THYN1: variants seen among roughly 807,000 people sequenced by gnomAD.
THYN1 encodes thymocyte protein thy28.
Under a neutral mutation model 30.6 loss-of-function variants are expected in THYN1, and 32 were observed. That is an observed-to-expected ratio of 1.05 (90% CI 0.79 to 1.40). The LOEUF (loss-of-function observed/expected upper bound fraction) is 1.40, where lower values mean the gene tolerates loss of function less well. THYN1 is among the 40% of genes most tolerant of loss of function. The pLI is 0.00. For missense variants in THYN1, 259 were observed against 272.6 expected, an observed-to-expected ratio of 0.95 and a Z score of 0.35; for synonymous variants, 107 against 90.8, an observed-to-expected ratio of 1.18 and a Z score of -1.01.
intron 6 of THYN1, 150 bp from the exon 7 acceptor site, chr11:134,248,634 G>A: frequency 1.4e-5 from 18 of 1,318,888 alleles, no homozygotes; most frequent in Non-Finnish European, 1.8e-5. Context: ...GCACTATAGA[G>A]TACTGGGTAA....
chr11:134,249,852 C>G lies in THYN1; in HGVS notation c.360G>C (p.Glu120Asp). Residue 120 changes from glutamate (E) to aspartate (D), a missense_variant, in exon 4 of 7, where the codon GAG (glutamate) becomes GAC (aspartate). Glu to Asp is a conservative substitution (Grantham distance 45). Coordinates refer to ENST00000341541, the MANE Select transcript of THYN1 (RefSeq NM_014174.3). ...EAFFYHSNCK[E>D]PGIAGLMKIV... ...CCTTCATGAGTCCTGCGATGCCTGG[C>G]TCTTTGCAGTTGCTATGGTAGAAGA... is the stretch of plus-strand genomic sequence containing the variant. The G allele has an allele frequency of 6.2e-7, 1 of 1,614,182 alleles. No homozygotes were observed. Among genetic ancestry groups the G allele is most frequent in the Non-Finnish European group, 8.5e-7 (1 of 1,180,026 alleles).
chr11:134,252,786 C>T, intron 1 of THYN1, 54 bp downstream of exon 1: 1 of 1,606,574 alleles, frequency 6.2e-7, no homozygotes, highest in Non-Finnish European at 8.5e-7. Flanking sequence ...TAAACAGGCT[C>T]TTCGAGAAAA....
rs1490043641 is a variant in THYN1 at position 134,253,300 on chromosome 11, C to G, written c.-418G>C. On this transcript the variant is annotated 5_prime_UTR_variant, in exon 1 of 7. Coordinates refer to ENST00000341541, the MANE Select transcript of THYN1 (RefSeq NM_014174.3). The stretch of plus-strand genomic sequence containing the variant: ...TGAAGTAATTTGCTGGCTACAGACC[C>G]AACACTCTGCAGACTCGACTGCGGT... The G allele has an allele frequency of 1.4e-6, 2 of 1,386,278 alleles. No homozygotes were observed. The highest frequency in any genetic ancestry group is 2.9e-5 in the African/African-American group (2 of 68,150). 85.9% of individuals were successfully genotyped at this position (1,386,278 alleles called of 1,614,324 possible).
At position 134,250,317 on chromosome 11, in the gene THYN1, C is replaced by T. The variant is rs1231928661; in HGVS notation, c.249G>A (p.Gln83=). Residue 83 remains glutamine, a synonymous_variant, in exon 3 of 7, where the codon CAG becomes CAA. Transcript: ENST00000341541. ...CATCCCAGCATGTTGTCTGTTTGGG[C>T]TGTGCTTTGAGATCCTCAATGCTGA... ...VKFSIEDLKA[Q]PKQTTCWDGV... is the part of the protein sequence containing the mutation. The T allele has an allele frequency of 1.2e-6, 2 of 1,614,020 alleles. No homozygotes were observed. The highest frequency in any genetic ancestry group is 1.1e-5 in the South Asian group (1 of 91,084).
intron 3 of THYN1, 141 bp downstream of exon 3, chr11:134,250,134 G>C: frequency 9.9e-7 from 1 of 1,012,774 alleles, no homozygotes; most frequent in Non-Finnish European, 1.5e-6. Context: ...GAGTACTTAA[G>C]GCATTTTTTA....
chr11:134,248,636 A>C (rs1938898388), intron 6 of THYN1, 152 bp from the exon 7 acceptor site: 2 of 1,313,650 alleles, frequency 1.5e-6, no homozygotes, highest in Non-Finnish European at 1.1e-6. Flanking sequence ...ACTATAGAGT[A>C]CTGGGTAATA....
Position 134,251,166 on chromosome 11 carries a change from C to T in THYN1, c.186G>A (p.Glu62=). The change falls in exon 2 of 7, where the codon GAG becomes GAA. Residue 62 remains glutamate (E), a synonymous_variant. Transcript: ENST00000341541. The part of the protein sequence containing the change: ...NLSSHWLMKS[E]PESRLEKGVD... ...CACCTTTCTCTAGGCGGCTCTCTGG[C>T]TCTGACTTCATCAGCCAGTGGCTGC... 1 of 1,614,114 alleles carries T rather than the reference C, an allele frequency of 6.2e-7. No individual in the cohort carries two copies. The highest frequency in any genetic ancestry group is 8.5e-7 in the Non-Finnish European group (1 of 1,180,022).
At position 134,249,203 on chromosome 11, in the gene THYN1, G is replaced by C; in HGVS notation, c.444C>G (p.Asp148Glu). 6.2e-7 allele frequency: 1 copy of C among 1,614,154 alleles called. No homozygotes were observed. Among genetic ancestry groups the C allele is most frequent in the Non-Finnish European group, 8.5e-7 (1 of 1,180,024 alleles). Residue 148 changes from aspartate to glutamate, a missense_variant, in exon 5 of 7, where the codon GAC (aspartate) becomes GAG (glutamate). By Grantham distance (45) the Asp-to-Glu change is conservative. Transcript: ENST00000341541. Reference sequence around the variant, plus strand: ...TAGGGTTGTCCTCTTTGCTAGATGGGTCATAATGGGGATTGTTTTTCTCAA... The same window carrying C: ...TAGGGTTGTCCTCTTTGCTAGATGGCTCATAATGGGGATTGTTTTTCTCAA... ...TQFEKNNPHYDPSSKEDNPKW... is the reference protein window; with the variant it reads ...TQFEKNNPHYEPSSKEDNPKW...
At chr11:134,249,704 A>G (rs1938957252) in intron 4 of THYN1, 124 bp downstream of exon 4, 1 of 949,592 alleles carries the variant, frequency 1.1e-6, no homozygotes. Context: ...TATTCCTGTA[A>G]AAGGGGGATG....
intron 4 of THYN1, 42 bp downstream of exon 4, chr11:134,249,786 C>T (rs185715208): frequency 6.3e-7 from 1 of 1,590,430 alleles, no homozygotes. Flanking sequence ...AGTTAGTCTC[C>T]CTGGAGGAAA....
chr11:134,249,029 C>A, intron 5 of THYN1, 70 bp from the exon 6 acceptor site: 2 of 1,591,100 alleles, frequency 1.3e-6, no homozygotes, highest in South Asian at 2.2e-5. Context: ...TTTTTAACCG[C>A]CCACAGGAAG....
rs542961705 is a variant in THYN1, at chr11:134,253,304, ACT to A, written c.-424_-423del. ...GTAATTTGCTGGCTACAGACCCAAC[ACT>A]CTGCAGACTCGACTGCGGTCCGCCT... On this transcript the variant is annotated 5_prime_UTR_variant, in exon 1 of 7. Transcript: ENST00000341541. The A allele has an allele frequency of 3.0e-4, 410 of 1,389,446 alleles. No homozygotes were observed. The African/African-American group carries it at 5.1e-3, about 17-fold the overall frequency. The allele number at this position is 1,389,446 out of a possible 1,614,324, so 86.1% of individuals were successfully genotyped here. A position where few individuals can be genotyped will look rare whatever the true frequency, so the allele number is the denominator to read the frequency against.
rs765257186 is a variant in THYN1 at position 134,248,785 on chromosome 11, A to G, written c.631+24T>C. ...ATGAGGTCATTCTGGTATATGGACA[A>G]TAAAGGAGAGGGCCCACTCTTACCC... On this transcript the variant is annotated intron_variant, in intron 6 of 6. Coordinates refer to ENST00000341541, the MANE Select transcript of THYN1 (RefSeq NM_014174.3). 3.1e-6 allele frequency: 5 copies of G among 1,613,562 alleles called. No individual in the cohort carries two copies. In the East Asian group the frequency reaches 8.9e-5, roughly 29 times the overall value.
chr11:134,251,430 A>C (rs906751041), intron 1 of THYN1, 122 bp from the exon 2 acceptor site: 1 of 1,105,294 alleles, frequency 9.0e-7, no homozygotes. Flanking sequence ...CAGCTGTAGG[A>C]ACTTAATCTT....
chr11:134,250,817 A>G (rs2136061668), intron 2 of THYN1, among the ~76,000 whole-genome samples: 1 of 152,280 alleles, frequency 6.6e-6, no homozygotes. Context: ...ACTTGAACAC[A>G]GCCACAGCTG....
rs1938905268 is a variant in THYN1, at chr11:134,248,812, G to A, written c.628C>T (p.Gln210Ter). Residue 210 changes from glutamine to a stop codon, truncating the protein, a stop_gained, in exon 6 of 7, where the codon CAG becomes TAG. Coordinates refer to ENST00000341541, the MANE Select transcript of THYN1 (RefSeq NM_014174.3). LOFTEE classifies it high-confidence loss of function. ...AAAGGAGAGGGCCCACTCTTACCCT[G>A]GGTCAGGGGCTGGATTGATAATCTC... is the stretch of plus-strand genomic sequence containing the variant. ...RQRLSIQPLTQEEFDFVLSLE... is the reference protein window; with the variant it reads ...RQRLSIQPLT 6.2e-7 allele frequency: 1 copy of A among 1,613,980 alleles called. No individual in the cohort carries two copies. Among genetic ancestry groups the A allele is most frequent in the Admixed American group, 1.7e-5 (1 of 60,000 alleles).
Position 134,249,931 on chromosome 11 carries a change from A to G in THYN1, c.292-11T>C, listed in dbSNP as rs1320138480. 6.2e-7 allele frequency: 1 copy of G among 1,609,444 alleles called. No individual in the cohort carries two copies. The highest frequency in any genetic ancestry group is 2.2e-5 in the East Asian group (1 of 44,788). On this transcript the variant is annotated splice_polypyrimidine_tract_variant and intron_variant, in intron 3 of 6. Coordinates refer to ENST00000341541, the MANE Select transcript of THYN1 (RefSeq NM_014174.3). ...AAGGAAGTTCCGAGCCTGTCCCGGGAGAAGAAAGAGTAACTATCCTCCCAC... is the reference window on the plus strand; with the variant it reads ...AAGGAAGTTCCGAGCCTGTCCCGGGGGAAGAAAGAGTAACTATCCTCCCAC...
intron 2 of THYN1, among the ~76,000 whole-genome samples, chr11:134,250,669 AAT>A (rs1467807114): frequency 6.6e-6 from 1 of 152,212 alleles, no homozygotes; most frequent in Non-Finnish European, 1.5e-5. Flanking sequence ...AATTCCCTGA[AAT>A]ATACATCAAC....
chr11:134,248,464 TCAAAA>T lies in THYN1; in HGVS notation c.647_651del (p.Val216GlufsTer61), dbSNP rs1254397554. ...TAACTTGGTTCCTTTTCCTCCAGGC[TCAAAA>T]CAAAATCAAACTCTTCTACAAAAAA... On this transcript the variant is annotated frameshift_variant, in exon 7 of 7. Coordinates refer to ENST00000341541, the MANE Select transcript of THYN1 (RefSeq NM_014174.3). LOFTEE classifies it high-confidence loss of function. 1.2e-5 allele frequency: 19 copies of T among 1,613,162 alleles called. No individual in the cohort carries two copies. The highest frequency in any genetic ancestry group is 1.6e-5 in the Non-Finnish European group (19 of 1,179,896).
Sources: allele counts gnomAD v4.1 joint callset (sites outside exome capture counted in the v4.1 genomes callset), GRCh38; gene constraint gnomAD v4.1.1; transcripts MANE v1.5; gene names NCBI Gene and HGNC (gene_info 2026-07-23, HGNC 2026-07-21).